The following COL4A5 variants were observed in gnomAD, a reference collection of about 807,000 sequenced individuals.
COL4A5 encodes collagen alpha-5(IV) chain.
A neutral mutation model predicts 130.2 loss-of-function variants in COL4A5; 26 were observed. The ratio of observed to expected loss-of-function variants is 0.20; its 90% CI spans 0.15 to 0.28. The LOEUF (loss-of-function observed/expected upper bound fraction) is 0.28, where lower values mean the gene tolerates loss of function less well. Among genes scored for constraint, COL4A5 ranks in the 10% least tolerant of loss-of-function variants. The pLI, the probability that COL4A5 is intolerant of heterozygous loss-of-function variation, is 1.00. For missense variants in COL4A5, 1,131 were observed against 1,344.3 expected, an observed-to-expected ratio of 0.84 and a Z score of 2.48; for synonymous variants, 496 against 439.6, an observed-to-expected ratio of 1.13 and a Z score of -1.60.
intron 1 of COL4A5, among the ~76,000 whole-genome samples, chrX:108,501,016 A>C (rs922309434): frequency 2.7e-5 from 3 of 110,932 alleles, no homozygotes; most frequent in Admixed American, 9.6e-5. Context: ...AGGGTGAAAA[A>C]ATTTGCCTAA....
chrX:108,633,572 G>A (rs1435149954), intron 36 of COL4A5, among the ~76,000 whole-genome samples: 1 of 110,107 alleles, frequency 9.1e-6, no homozygotes, highest in African/African-American at 3.3e-5. Context: ...TTTTACTAAT[G>A]GAATCAAAAT....
chrX:108,452,300 C>G (rs1286873389), intron 1 of COL4A5, among the ~76,000 whole-genome samples: 1 of 111,612 alleles, frequency 9.0e-6, no homozygotes, highest in Non-Finnish European at 1.9e-5. Flanking sequence ...ATTGACTTGG[C>G]GATGCTGGCT....
At chrX:108,604,150 C>G (rs112927625) in intron 28 of COL4A5, among the ~76,000 whole-genome samples, 133 of 112,223 alleles carry the variant, frequency 1.2e-3, no homozygotes, top group African/African-American at 3.8e-3. Flanking sequence ...CTAATGAATC[C>G]TGAATTTTCT....
intron 34 of COL4A5, 113 bp downstream of exon 34, chrX:108,624,447 T>A (rs764917431): frequency 2.4e-5 from 16 of 669,883 alleles, no homozygotes; most frequent in Non-Finnish European, 3.5e-5. Flanking sequence ...GGTAATAAGC[T>A]TGGGTAGCTA....
intron 34 of COL4A5, 107 bp downstream of exon 34, chrX:108,624,441 A>G: frequency 4.2e-6 from 3 of 708,538 alleles, no homozygotes; most frequent in Non-Finnish European, 6.6e-6. Flanking sequence ...GATCATGGTA[A>G]TAAGCTTGGG....
intron 41 of COL4A5, among the ~76,000 whole-genome samples, chrX:108,668,839 T>C (rs2068139059): frequency 8.9e-6 from 1 of 112,103 alleles, no homozygotes; most frequent in African/African-American, 3.2e-5. Context: ...GTCAGCAAAA[T>C]GCCATCTGCA....
At chrX:108,454,827 G>C (rs1443997396) in intron 1 of COL4A5, among the ~76,000 whole-genome samples, 1 of 110,187 alleles carries the variant, frequency 9.1e-6, no homozygotes, top group Non-Finnish European at 1.9e-5. Context: ...TGCCTAGGCT[G>C]GTCTCAAACT....
intron 1 of COL4A5, among the ~76,000 whole-genome samples, chrX:108,470,068 C>T (rs1439431701): frequency 8.9e-6 from 1 of 112,046 alleles, no homozygotes; most frequent in South Asian, 3.7e-4. Context: ...CATGTCTTTG[C>T]TATTGTGAAT....
intron 1 of COL4A5, among the ~76,000 whole-genome samples, chrX:108,530,411 A>C (rs899036471): frequency 3.6e-5 from 4 of 109,672 alleles, no homozygotes; most frequent in African/African-American, 6.6e-5. Context: ...CATCAGAGTG[A>C]ACAGGCAACC....
In COL4A5 at chrX:108,614,967, A is replaced by T; in HGVS notation, c.2452A>T (p.Ile818Leu). The change falls in exon 30 of 53, where the codon ATA becomes TTA. Residue 818 changes from isoleucine to leucine, a missense_variant. Transcript: ENST00000328300. ...GPMGPPGLPG[I>L]GVQGPPGPPG... ...AATGGGACCTCCTGGGCTGCCAGGAATAGGTGTTCAGGGACCACCAGGACC... is the reference window on the plus strand; with the variant it reads ...AATGGGACCTCCTGGGCTGCCAGGATTAGGTGTTCAGGGACCACCAGGACC... The T allele has an allele frequency of 8.3e-7, 1 of 1,211,684 alleles. No individual in the cohort carries two copies. The highest frequency in any genetic ancestry group is 1.1e-6 in the Non-Finnish European group (1 of 895,261).
intron 1 of COL4A5, among the ~76,000 whole-genome samples, chrX:108,528,432 C>T (rs1246002082): frequency 8.9e-6 from 1 of 112,478 alleles, no homozygotes; most frequent in Non-Finnish European, 1.9e-5. Context: ...ACCAGATGCA[C>T]AGTTACCAAC....
At chrX:108,468,067 A>G (rs1235813642) in intron 1 of COL4A5, among the ~76,000 whole-genome samples, 1 of 111,775 alleles carries the variant, frequency 8.9e-6, no homozygotes, top group African/African-American at 3.2e-5. Flanking sequence ...TATGTTTTAT[A>G]TACATCTTAT....
chrX:108,673,507 A>T (rs1482968986), intron 42 of COL4A5, among the ~76,000 whole-genome samples: 1 of 110,640 alleles, frequency 9.0e-6, no homozygotes, highest in Non-Finnish European at 1.9e-5. Flanking sequence ...TCCTTCTTTT[A>T]ATAGTGAATA....
chrX:108,535,278 T>C (rs2065440524), intron 1 of COL4A5, among the ~76,000 whole-genome samples: 1 of 111,779 alleles, frequency 8.9e-6, no homozygotes, highest in African/African-American at 3.2e-5. Context: ...TTTTATCTGA[T>C]AATTCCAATG....
chrX:108,612,386 T>TTA (rs1328485281), intron 29 of COL4A5, among the ~76,000 whole-genome samples: 2 of 111,356 alleles, frequency 1.8e-5, no homozygotes, highest in Non-Finnish European at 3.8e-5. Flanking sequence ...TGACATGGTT[T>TTA]TATACTTAGA....
At chrX:108,583,373 T>C (rs2147781986) in intron 17 of COL4A5, among the ~76,000 whole-genome samples, 1 of 111,993 alleles carries the variant, frequency 8.9e-6, no homozygotes, top group Non-Finnish European at 1.9e-5. Context: ...GCTAATTCTT[T>C]GTTGTTTTTT....
chrX:108,450,567 T>C lies in COL4A5; in HGVS notation c.81+10361T>C, dbSNP rs560474151. Among the ~76,000 whole-genome samples, 4 of 112,159 alleles carry C rather than the reference T, an allele frequency of 3.6e-5. No homozygotes were observed. The South Asian group carries it at 1.5e-3, about 42-fold the overall frequency. ...AGCTTTTCAAGTAAGAATGAGAATT[T>C]TGGAAAACTTGAACCTGACACCAAG... On this transcript the variant is annotated intron_variant, in intron 1 of 52. Coordinates refer to ENST00000328300, the MANE Select transcript of COL4A5 (RefSeq NM_033380.3).
chrX:108,557,913 C>T (rs1035152946), intron 2 of COL4A5, among the ~76,000 whole-genome samples: 2 of 110,017 alleles, frequency 1.8e-5, no homozygotes, highest in Admixed American at 9.8e-5. Context: ...AGCTGTCCTT[C>T]GGGGTTCTTT....
intron 1 of COL4A5, among the ~76,000 whole-genome samples, chrX:108,521,331 T>C (rs2065263131): frequency 1.8e-5 from 2 of 110,932 alleles, no homozygotes; most frequent in South Asian, 7.7e-4. Context: ...AGAGAGGCAT[T>C]GTCATTGTTC....
Sources: allele counts gnomAD v4.1 joint callset (sites outside exome capture counted in the v4.1 genomes callset), GRCh38; gene constraint gnomAD v4.1.1; transcripts MANE v1.5; gene names NCBI Gene and HGNC (gene_info 2026-07-23, HGNC 2026-07-21).